SWAP70: variants seen among roughly 807,000 people sequenced by gnomAD.
SWAP70 encodes the protein switching B cell complex subunit SWAP70.
A neutral mutation model predicts 80.2 loss-of-function variants in SWAP70; 34 were observed. That is an observed-to-expected ratio of 0.42 (90% CI 0.32 to 0.56). The LOEUF is 0.56. Ranked by LOEUF, SWAP70 falls within the 20% of genes least tolerant of loss-of-function variation. The pLI is 0.09. For synonymous variants in SWAP70, 239 were observed against 238.5 expected (o/e 1.00, Z -0.02); for missense variants, 578 against 690.7 (o/e 0.84, Z 1.83).
At chr11:9,749,702 C>A (rs1851560485) in intron 11 of SWAP70, among the ~76,000 whole-genome samples, 162 bp from the exon 12 acceptor site, 1 of 152,118 alleles carries the variant, frequency 6.6e-6, no homozygotes, top group African/African-American at 2.4e-5. Context: ...CCAGTTAATC[C>A]CCTTGGTATA....
chr11:9,709,398 G>A (rs915379428), intron 2 of SWAP70, among the ~76,000 whole-genome samples: 4 of 152,208 alleles, frequency 2.6e-5, no homozygotes, highest in African/African-American at 9.6e-5. Flanking sequence ...CAAAGCATTG[G>A]AATTATAGGC....
intron 1 of SWAP70, among the ~76,000 whole-genome samples, chr11:9,686,650 G>A (rs987014300): frequency 1.1e-4 from 16 of 151,958 alleles, no homozygotes; most frequent in Non-Finnish European, 1.5e-4. Context: ...TGCCTGGCCT[G>A]TAGTCTCTTC....
chr11:9,667,738 C>T (rs1391610338), intron 1 of SWAP70, among the ~76,000 whole-genome samples: 1 of 151,820 alleles, frequency 6.6e-6, no homozygotes, highest in Non-Finnish European at 1.5e-5. Flanking sequence ...AATGTTTGTA[C>T]TTATGTAGAG....
rs1465545931 is a variant in SWAP70 at position 9,732,739 on chromosome 11, G to A, written c.1080+29G>A. The A allele has an allele frequency of 2.6e-6, 4 of 1,521,034 alleles. No individual in the cohort carries two copies. In the Admixed American group the frequency reaches 6.9e-5, roughly 26 times the overall value. 94.2% of individuals were successfully genotyped at this position (1,521,034 alleles called of 1,614,324 possible). On this transcript the variant is annotated intron_variant, in intron 7 of 11. Transcript: ENST00000318950. ...GGAATGGGCGCTGGGCTGGGAGAGG[G>A]CCCTTCATTCCCCTGCAGAAGCCAT...
chr11:9,723,190 A>G (rs1851162204), intron 3 of SWAP70, among the ~76,000 whole-genome samples: 1 of 152,216 alleles, frequency 6.6e-6, no homozygotes, highest in Non-Finnish European at 1.5e-5. Flanking sequence ...AGGTACAGAT[A>G]CCAACCAGGA....
intron 3 of SWAP70, among the ~76,000 whole-genome samples, chr11:9,715,854 C>A (rs771715956): frequency 1.3e-5 from 2 of 152,192 alleles, no homozygotes. Context: ...CTCAACTTTT[C>A]CTGGAACTGT....
At chr11:9,702,906 A>G (rs1850851298) in intron 2 of SWAP70, among the ~76,000 whole-genome samples, 1 of 152,206 alleles carries the variant, frequency 6.6e-6, no homozygotes, top group East Asian at 1.9e-4. Flanking sequence ...GTAAAGATAT[A>G]TTGTTTTTTA....
chr11:9,707,232 A>G (rs1350896100), intron 2 of SWAP70, among the ~76,000 whole-genome samples: 1 of 152,216 alleles, frequency 6.6e-6, no homozygotes, highest in Non-Finnish European at 1.5e-5. Context: ...TTTTAACTGT[A>G]TGCACATTAT....
At chr11:9,664,478 C>A (rs1850284855) in intron 1 of SWAP70, among the ~76,000 whole-genome samples, 200 bp downstream of exon 1, 1 of 152,242 alleles carries the variant, frequency 6.6e-6, no homozygotes. Flanking sequence ...GGGCCATGCC[C>A]TCGGTTGGAT....
chr11:9,694,127 A>AT lies in SWAP70; in HGVS notation c.100-15dup. On this transcript the variant is annotated intron_variant, in intron 1 of 11. Transcript: ENST00000318950. Reference sequence around the variant, plus strand: ...GCTGGTTAGTGGGAGTCTTTAAACGATTTTCTTTTCCCTTGCAGGTCCTTT... The same window carrying AT: ...GCTGGTTAGTGGGAGTCTTTAAACGATTTTTCTTTTCCCTTGCAGGTCCTTT... 1 of 1,577,212 alleles carries AT rather than the reference A, an allele frequency of 6.3e-7. No individual in the cohort carries two copies. Among genetic ancestry groups the AT allele is most frequent in the Non-Finnish European group, 8.6e-7 (1 of 1,162,732 alleles).
At chr11:9,694,014 C>T in intron 1 of SWAP70, 132 bp from the exon 2 acceptor site, 2 of 1,170,036 alleles carry the variant, frequency 1.7e-6, no homozygotes, top group Non-Finnish European at 2.3e-6. Context: ...GCTGAGCAGT[C>T]CTCACCCTGT....
At chr11:9,688,072 C>T (rs553918163) in intron 1 of SWAP70, among the ~76,000 whole-genome samples, 1 of 151,992 alleles carries the variant, frequency 6.6e-6, no homozygotes, top group Admixed American at 6.6e-5. Flanking sequence ...TAGGCCAAGT[C>T]TCAGGCCACA....
At chr11:9,699,034 T>C (rs1850797809) in intron 2 of SWAP70, among the ~76,000 whole-genome samples, 1 of 152,202 alleles carries the variant, frequency 6.6e-6, no homozygotes, top group Non-Finnish European at 1.5e-5. Context: ...AACCACATGA[T>C]AATGAAAGGT....
intron 2 of SWAP70, among the ~76,000 whole-genome samples, chr11:9,706,526 A>T (rs758971637): frequency 7.9e-5 from 12 of 152,214 alleles, no homozygotes; most frequent in African/African-American, 1.2e-4. Context: ...GAAACACATC[A>T]GTAATGTTGC....
In SWAP70 at chr11:9,685,710, T is replaced by C. The variant is rs544459495; in HGVS notation, c.100-8436T>C. On this transcript the variant is annotated intron_variant, in intron 1 of 11. Transcript: ENST00000318950. ...GTACAGTGGTGTGATTTCTGCTCAC[T>C]GCAATCTCTGACTCCCTGGTTCAAG... Among the ~76,000 whole-genome samples, 4 of 152,262 alleles carry C rather than the reference T, an allele frequency of 2.6e-5. No individual in the cohort carries two copies. In the East Asian group the frequency reaches 7.7e-4, roughly 29 times the overall value.
intron 2 of SWAP70, among the ~76,000 whole-genome samples, chr11:9,697,303 T>TTTG (rs1243574282): frequency 6.6e-5 from 10 of 151,824 alleles, no homozygotes; most frequent in South Asian, 6.2e-4. Flanking sequence ...CTTTTTTTTT[T>TTTG]CTTTTTTTTG....
At chr11:9,713,087 T>G (rs919777511) in intron 2 of SWAP70, among the ~76,000 whole-genome samples, 6 of 152,246 alleles carry the variant, frequency 3.9e-5, no homozygotes, top group Admixed American at 6.5e-5. Context: ...GTGCTAGGAT[T>G]GGTAGCCTGT....
At chr11:9,707,366 T>C (rs971952343) in intron 2 of SWAP70, among the ~76,000 whole-genome samples, 6 of 152,192 alleles carry the variant, frequency 3.9e-5, no homozygotes, top group African/African-American at 1.2e-4. Flanking sequence ...TTTTAAAGTG[T>C]GTTTGATTAC....
At chr11:9,699,112 G>A (rs974102281) in intron 2 of SWAP70, among the ~76,000 whole-genome samples, 3 of 152,250 alleles carry the variant, frequency 2.0e-5, no homozygotes, top group African/African-American at 7.2e-5. Context: ...TCCAAAATAG[G>A]CAAGTAAATA....
Sources: allele counts gnomAD v4.1 joint callset (sites outside exome capture counted in the v4.1 genomes callset), GRCh38; gene constraint gnomAD v4.1.1; transcripts MANE v1.5; gene names NCBI Gene and HGNC (gene_info 2026-07-23, HGNC 2026-07-21).